SLC26A8: variants seen among roughly 807,000 people sequenced by gnomAD.
The protein encoded by SLC26A8 is solute carrier family 26 member 8.
A neutral mutation model predicts 105.0 loss-of-function variants in SLC26A8; 70 were observed. The observed-to-expected ratio is 0.67, with a 90% CI of 0.55 to 0.81. The LOEUF is 0.81. SLC26A8 is among the 40% of genes least tolerant of loss of function. The pLI is 0.00. For missense variants in SLC26A8, 998 were observed against 1,181.8 expected (o/e 0.84, Z 2.28); for synonymous variants, 415 against 438.3 (o/e 0.95, Z 0.66).
At chr6:35,983,822 T>C (rs986400895) in intron 7 of SLC26A8, among the ~76,000 whole-genome samples, 3 of 152,220 alleles carry the variant, frequency 2.0e-5, no homozygotes. Context: ...CCCAAAGTGC[T>C]GGGATTACAG....
intron 3 of SLC26A8, among the ~76,000 whole-genome samples, chr6:36,001,074 A>T (rs1166720011): frequency 3.9e-5 from 6 of 152,176 alleles, no homozygotes; most frequent in Admixed American, 3.9e-4. Context: ...ATTATCTTAC[A>T]AATGATTGTT....
chr6:36,021,331 C>A (rs1006713016), intron 1 of SLC26A8, among the ~76,000 whole-genome samples: 6 of 151,944 alleles, frequency 3.9e-5, no homozygotes, highest in East Asian at 1.9e-4. Context: ...AATCCCCCCC[C>A]ACCTTTCTTT....
chr6:36,012,767 A>G (rs1761896005), intron 2 of SLC26A8, among the ~76,000 whole-genome samples: 1 of 152,226 alleles, frequency 6.6e-6, no homozygotes, highest in African/African-American at 2.4e-5. Flanking sequence ...TTTTCACAGG[A>G]TATTTGGGAA....
chr6:36,004,673 T>C (rs923390901), intron 3 of SLC26A8, among the ~76,000 whole-genome samples: 11 of 72,620 alleles, frequency 1.5e-4, no homozygotes, highest in Admixed American at 2.4e-4. Flanking sequence ...TTCTTTTTTT[T>C]GTGTGTGACT....
At chr6:36,003,610 CAGA>C (rs2127360520) in intron 3 of SLC26A8, among the ~76,000 whole-genome samples, 1 of 152,194 alleles carries the variant, frequency 6.6e-6, no homozygotes, top group East Asian at 1.9e-4. Context: ...CCTCTCCCCA[CAGA>C]AGGATTCCTT....
intron 17 of SLC26A8, among the ~76,000 whole-genome samples, chr6:35,952,656 C>T (rs1183811611): frequency 6.6e-6 from 1 of 152,068 alleles, no homozygotes; most frequent in East Asian, 1.9e-4. Context: ...ATGACAAGTG[C>T]TGGAAAAGGA....
At chr6:35,958,150 A>G (rs1416841650) in intron 16 of SLC26A8, among the ~76,000 whole-genome samples, 1 of 152,194 alleles carries the variant, frequency 6.6e-6, no homozygotes, top group African/African-American at 2.4e-5. Context: ...TGCTACCACA[A>G]AGTTTTTCTG....
chr6:35,986,078 A>G (rs998657642), intron 7 of SLC26A8, among the ~76,000 whole-genome samples: 2 of 108,142 alleles, frequency 1.8e-5, no homozygotes, highest in Admixed American at 3.0e-4. Context: ...CTTGTTGCCC[A>G]GGCTGGAGTG....
At chr6:35,994,773 C>T (rs545387002) in intron 5 of SLC26A8, among the ~76,000 whole-genome samples, 36 of 152,192 alleles carry the variant, frequency 2.4e-4, no homozygotes, top group Non-Finnish European at 4.4e-4. Context: ...GACAGGGTTT[C>T]GCCAAGTTGG....
At chr6:35,953,159 T>G (rs1771939667) in intron 17 of SLC26A8, among the ~76,000 whole-genome samples, 1 of 151,844 alleles carries the variant, frequency 6.6e-6, no homozygotes, top group South Asian at 2.1e-4. Flanking sequence ...ATTTTTAGAG[T>G]GCAAAAGTAC....
intron 3 of SLC26A8, among the ~76,000 whole-genome samples, chr6:36,007,188 T>C (rs1036025276): frequency 7.2e-5 from 11 of 152,008 alleles, no homozygotes; most frequent in Non-Finnish European, 1.6e-4. Context: ...AAGATAAACA[T>C]AACTGTCCCT....
rs1044962333 is a variant in SLC26A8 at position 36,016,266 on chromosome 6, T to G, written c.188+3254A>C. Among the ~76,000 whole-genome samples the G allele has an allele frequency of 1.3e-4, 20 of 152,312 alleles. 1 individual carries two copies. In the East Asian group the frequency reaches 3.9e-3, roughly 29 times the overall value. ...CCTCAGCCTCCCAAAGTGCTGGGAT[T>G]ACAGGTGTGAGCCACTGCACCCGGC... is the stretch of plus-strand genomic sequence containing the variant. On this transcript the variant is annotated intron_variant, in intron 2 of 19. Coordinates refer to ENST00000490799, the MANE Select transcript of SLC26A8 (RefSeq NM_052961.4).
chr6:35,958,522 C>T (rs1212270867), intron 16 of SLC26A8, among the ~76,000 whole-genome samples: 1 of 152,090 alleles, frequency 6.6e-6, no homozygotes, highest in Non-Finnish European at 1.5e-5. Context: ...AGGTATGGTG[C>T]TCACCCCTGT....
chr6:35,976,194 G>A (rs1773014898), intron 9 of SLC26A8, among the ~76,000 whole-genome samples: 1 of 152,058 alleles, frequency 6.6e-6, no homozygotes, highest in Non-Finnish European at 1.5e-5. Context: ...GGGAGGCTGA[G>A]GCAGGCAGAT....
At chr6:35,950,018 C>T (rs1432600102) in intron 19 of SLC26A8, among the ~76,000 whole-genome samples, 5 of 151,920 alleles carry the variant, frequency 3.3e-5, no homozygotes, top group South Asian at 2.1e-4. Context: ...AGGATGGTCT[C>T]GATCTCCTGA....
chr6:35,950,329 G>A (rs184616697), intron 19 of SLC26A8, among the ~76,000 whole-genome samples: 12 of 149,750 alleles, frequency 8.0e-5, no homozygotes, highest in Non-Finnish European at 1.0e-4. Context: ...TCACTCTGTC[G>A]CCCAGGCTGG....
intron 11 of SLC26A8, among the ~76,000 whole-genome samples, chr6:35,967,377 C>T (rs1015874676): frequency 3.3e-5 from 5 of 152,054 alleles, no homozygotes; most frequent in African/African-American, 4.8e-5. Context: ...TCCCTAAGTA[C>T]GATATAAAAA....
intron 9 of SLC26A8, 151 bp downstream of exon 9, chr6:35,977,053 A>G: frequency 1.3e-6 from 1 of 750,308 alleles, no homozygotes; most frequent in East Asian, 2.8e-5. Context: ...AAAGTTAAGT[A>G]TCCCTCACCT....
At chr6:35,951,392 A>C in intron 18 of SLC26A8, 45 bp from the exon 19 acceptor site, 1 of 1,614,058 alleles carries the variant, frequency 6.2e-7, no homozygotes, top group Non-Finnish European at 8.5e-7. Context: ...ATACTTGGGG[A>C]GCAGAGGACC....
Sources: gnomAD v4.1 joint callset for allele counts (sites outside exome capture counted in the v4.1 genomes callset) on GRCh38, gnomAD v4.1.1 for gene constraint, MANE v1.5 for transcripts, NCBI Gene and HGNC (gene_info 2026-07-23, HGNC 2026-07-21) for gene names.